SPATA13: variants seen among roughly 807,000 people sequenced by gnomAD.
SPATA13 encodes spermatogenesis-associated protein 13.
A neutral mutation model predicts 104.0 loss-of-function variants in SPATA13; 50 were observed. The observed-to-expected ratio is 0.48, with a 90% CI of 0.38 to 0.61. The LOEUF (loss-of-function observed/expected upper bound fraction) is 0.61, where lower values mean the gene tolerates loss of function less well. Ranked by LOEUF, SPATA13 falls within the 20% of genes least tolerant of loss-of-function variation. The pLI is 0.00. For missense variants in SPATA13, 1,524 were observed against 1,690.6 expected, an observed-to-expected ratio of 0.90 and a Z score of 1.73; for synonymous variants, 606 against 667.5, an observed-to-expected ratio of 0.91 and a Z score of 1.42.
chr13:24,202,520 C>CTTTTTTTTTTTTTTTTT, intron 1 of SPATA13, among the ~76,000 whole-genome samples: 1 of 88,342 alleles, frequency 1.1e-5, no homozygotes, highest in Non-Finnish European at 2.1e-5. Flanking sequence ...CTTTCTTTCC[C>CTTTTTTTTTTTTTTTTT]TTTTTTTTTT....
intron 1 of SPATA13, among the ~76,000 whole-genome samples, chr13:24,207,202 C>T (rs538532958): frequency 3.3e-5 from 5 of 152,138 alleles, no homozygotes; most frequent in South Asian, 4.2e-4. Flanking sequence ...GAACAACACA[C>T]GGTGGGGTCT....
At chr13:24,207,269 C>T (rs943858464) in intron 1 of SPATA13, among the ~76,000 whole-genome samples, 1 of 152,154 alleles carries the variant, frequency 6.6e-6, no homozygotes, top group African/African-American at 2.4e-5. Context: ...CTAATGGATG[C>T]TGGGCTTAAT....
At chr13:24,165,948 G>T (rs1427755740) in intron 1 of SPATA13, among the ~76,000 whole-genome samples, 1 of 152,200 alleles carries the variant, frequency 6.6e-6, no homozygotes, top group Non-Finnish European at 1.5e-5. Context: ...GTTGTGTGTT[G>T]TGACTCTATA....
rs1331276937 is a variant in SPATA13 at position 24,011,620 on chromosome 13, A to G, written c.-146-6047A>G. ...CCCATGCACCAGGACCCTCAGATCC[A>G]CCAACAAGGCACTGGCCCTGTCTTG... On this transcript the variant is annotated intron_variant, in intron 2 of 14. Transcript: ENST00000424834. The surrounding 1 kb of genome is among the most constrained non-coding windows in gnomAD (Gnocchi z 4.3). Among the ~76,000 whole-genome samples, 2 of 152,160 alleles carry G rather than the reference A, an allele frequency of 1.3e-5. No individual in the cohort carries two copies. Among genetic ancestry groups the G allele is most frequent in the Non-Finnish European group, 2.9e-5 (2 of 68,022 alleles).
chr13:24,022,889 A>G (rs918415418), intron 3 of SPATA13, among the ~76,000 whole-genome samples: 2 of 152,068 alleles, frequency 1.3e-5, no homozygotes, highest in African/African-American at 4.8e-5. Flanking sequence ...TTTAGTTACC[A>G]TTTTCTAAAA....
chr13:24,111,877 C>T (rs565408703), intron 3 of SPATA13, among the ~76,000 whole-genome samples: 1 of 152,302 alleles, frequency 6.6e-6, no homozygotes, highest in Admixed American at 6.5e-5. Context: ...TGCAGACTAA[C>T]TCATAATCTC....
At chr13:24,194,798 T>G (rs1869961262) in intron 1 of SPATA13, among the ~76,000 whole-genome samples, 1 of 152,236 alleles carries the variant, frequency 6.6e-6, no homozygotes, top group Non-Finnish European at 1.5e-5. Context: ...AATGATTTAA[T>G]CTCTACCTGT....
intron 2 of SPATA13, among the ~76,000 whole-genome samples, chr13:24,005,541 A>T (rs1876182421): frequency 6.6e-6 from 1 of 152,158 alleles, no homozygotes; most frequent in African/African-American, 2.4e-5. Flanking sequence ...TCCTTGGTGA[A>T]AAAGGGCCAT....
chr13:24,297,591 C>G lies in SPATA13; in HGVS notation c.3439C>G (p.Leu1147Val). 1 of 1,614,208 alleles carries G rather than the reference C, an allele frequency of 6.2e-7. No homozygotes were observed. Among genetic ancestry groups the G allele is most frequent in the Non-Finnish European group, 8.5e-7 (1 of 1,180,044 alleles). The change falls in exon 11 of 13, where the codon CTC (leucine) becomes GTC (valine). Residue 1147 changes from leucine (L) to valine (V), a missense_variant. Leu to Val is a conservative substitution (Grantham distance 32). Coordinates refer to ENST00000382108, the MANE Select transcript of SPATA13 (RefSeq NM_001166271.3). ...LGDGRDKDCN[L>V]SVKNAFKLVS... ...GGATGGGCGCGACAAGGACTGCAACCTCAGCGTGAAAAATGCCTTCAAGCT... is the reference window on the plus strand; with the variant it reads ...GGATGGGCGCGACAAGGACTGCAACGTCAGCGTGAAAAATGCCTTCAAGCT...
At chr13:24,060,980 A>G (rs1593305592) in intron 3 of SPATA13, among the ~76,000 whole-genome samples, 2 of 152,208 alleles carry the variant, frequency 1.3e-5, no homozygotes, top group Admixed American at 1.3e-4. Flanking sequence ...CGGAGGTTGC[A>G]GTGAGCTGAG....
chr13:24,278,658 C>G lies in SPATA13; in HGVS notation c.2165-5477C>G, dbSNP rs1351868132. 29 of 1,503,322 alleles carry G rather than the reference C, an allele frequency of 1.9e-5. No homozygotes were observed. In the Admixed American group the frequency reaches 7.8e-4, roughly 40 times the overall value. 93.1% of individuals were successfully genotyped at this position (1,503,322 alleles called of 1,614,324 possible). On this transcript the variant is annotated intron_variant, in intron 4 of 12. Coordinates refer to ENST00000382108, the MANE Select transcript of SPATA13 (RefSeq NM_001166271.3). ...ATTCCACTTGAGGCTCAAAGCACAC[C>G]AATAACAAGTACTTGTTCAGAATGT...
At chr13:24,272,463 A>G (rs1186260476) in intron 4 of SPATA13, among the ~76,000 whole-genome samples, 1 of 152,212 alleles carries the variant, frequency 6.6e-6, no homozygotes, top group Non-Finnish European at 1.5e-5. Context: ...AACAAGCACC[A>G]TATTTAAAAC....
chr13:24,061,221 A>G (rs141925569), intron 3 of SPATA13, among the ~76,000 whole-genome samples: 56 of 152,250 alleles, frequency 3.7e-4, no homozygotes, highest in African/African-American at 1.3e-3. Context: ...GTCAAAAATA[A>G]CAGCTTCTTG....
chr13:23,985,095 G>A (rs1287734439), intron 2 of SPATA13, among the ~76,000 whole-genome samples: 2 of 152,180 alleles, frequency 1.3e-5, no homozygotes, highest in Non-Finnish European at 2.9e-5. Context: ...TAAAGAGTGA[G>A]GGAAAACAGT....
At chr13:24,243,217 A>T (rs1872945218) in intron 2 of SPATA13, among the ~76,000 whole-genome samples, 1 of 152,196 alleles carries the variant, frequency 6.6e-6, no homozygotes, top group African/African-American at 2.4e-5. Context: ...TCATCCTCTT[A>T]ATTGATATGT....
rs146629831 is a variant in SPATA13, at chr13:24,006,755, GCAGCC to G, written c.-146-10909_-146-10905del. The stretch of plus-strand genomic sequence containing the variant: ...TGGAGCTGGGAGAGCACCGGGACAC[GCAGCC>G]CAAGCTCCTGGTGCCCTTGCATTCA... On this transcript the variant is annotated intron_variant, in intron 2 of 14. Transcript: ENST00000424834. 6.8e-3 allele frequency among the ~76,000 whole-genome samples: 1,029 copies of G among 152,346 alleles called. 10 individuals are homozygous for G. Among genetic ancestry groups the G allele is most frequent in the African/African-American group, 0.024 (980 of 41,568 alleles).
At chr13:24,080,381 T>G (rs1879471640) in intron 3 of SPATA13, among the ~76,000 whole-genome samples, 1 of 152,136 alleles carries the variant, frequency 6.6e-6, no homozygotes, top group Non-Finnish European at 1.5e-5. Context: ...TTACTAGAAA[T>G]GAGAACAAAA....
chr13:24,122,672 C>CTT lies in SPATA13; in HGVS notation c.-111-100147_-111-100146insTT, dbSNP rs993717559. On this transcript the variant is annotated intron_variant, in intron 3 of 14. Coordinates refer to the SPATA13 transcript ENST00000424834. ...TCACTTCAAGATACTTGGTGACAGA[C>CTT]AGAAGTGTGTCTGTATCAACTGTTA... 7.5e-5 allele frequency: 80 copies of CTT among 1,062,990 alleles called. No homozygotes were observed. The African/African-American group carries it at 1.2e-3, about 16-fold the overall frequency. 65.8% of individuals were successfully genotyped at this position (1,062,990 alleles called of 1,614,324 possible).
chr13:24,254,600 A>C (rs1420560239), intron 4 of SPATA13, among the ~76,000 whole-genome samples: 1 of 152,202 alleles, frequency 6.6e-6, no homozygotes, highest in Non-Finnish European at 1.5e-5. Context: ...GCAGGAAAAC[A>C]AATCCAAGCC....
Sources: allele counts gnomAD v4.1 joint callset (sites outside exome capture counted in the v4.1 genomes callset), GRCh38; gene constraint gnomAD v4.1.1; non-coding constraint Gnocchi (gnomAD v3.1); transcripts MANE v1.5; gene names NCBI Gene and HGNC (gene_info 2026-07-23, HGNC 2026-07-21).